Variants in TM9SF2 observed in about 807,000 individuals in gnomAD.
The protein encoded by TM9SF2 is 76 kDa membrane protein.
Under a neutral mutation model 84.9 loss-of-function variants are expected in TM9SF2, and 13 were observed. The observed-to-expected ratio is 0.15, with a 90% CI of 0.10 to 0.24. TM9SF2 has a LOEUF of 0.24. Ranked by LOEUF, TM9SF2 falls within the 10% of genes least tolerant of loss-of-function variation. The pLI is 1.00. For missense variants in TM9SF2, 562 were observed against 818.5 expected, an observed-to-expected ratio of 0.69 and a Z score of 3.82; for synonymous variants, 273 against 285.8, an observed-to-expected ratio of 0.96 and a Z score of 0.45.
chr13:99,524,755 G>C (rs1356220557), intron 3 of TM9SF2, among the ~76,000 whole-genome samples: 1 of 151,836 alleles, frequency 6.6e-6, no homozygotes, highest in African/African-American at 2.4e-5. Context: ...TAGAAACAGG[G>C]TTTTACCATG....
chr13:99,534,867 T>A (rs2046226664), intron 4 of TM9SF2, among the ~76,000 whole-genome samples: 1 of 152,208 alleles, frequency 6.6e-6, no homozygotes, highest in Admixed American at 6.5e-5. Flanking sequence ...TCATATTCTT[T>A]GGCCAGGCGT....
chr13:99,523,588 T>C (rs1184484387), intron 3 of TM9SF2, among the ~76,000 whole-genome samples: 2 of 152,252 alleles, frequency 1.3e-5, no homozygotes, highest in Non-Finnish European at 2.9e-5. Context: ...GTGTGTATTA[T>C]GTGAAGCTGG....
intron 4 of TM9SF2, among the ~76,000 whole-genome samples, chr13:99,534,680 AG>A (rs2046225907): frequency 6.6e-6 from 1 of 152,258 alleles, no homozygotes; most frequent in Non-Finnish European, 1.5e-5. Flanking sequence ...GAGAGCAGAC[AG>A]AAGTAAAGGA....
chr13:99,540,708 C>T lies in TM9SF2; in HGVS notation c.829-6C>T. The T allele has an allele frequency of 6.2e-7, 1 of 1,612,484 alleles. No individual in the cohort carries two copies. Among genetic ancestry groups the T allele is most frequent in the Non-Finnish European group, 8.5e-7 (1 of 1,179,150 alleles). On this transcript the variant is annotated splice_region_variant and splice_polypyrimidine_tract_variant and intron_variant, in intron 7 of 16. Transcript: ENST00000376387. ...TTACTTAAAGAGATTTTTTAATCTC[C>T]TCTAGGAAGATGATAAGATCAGATG... is the stretch of plus-strand genomic sequence containing the variant.
intron 6 of TM9SF2, among the ~76,000 whole-genome samples, chr13:99,538,258 A>G (rs1001710564): frequency 6.6e-6 from 1 of 152,214 alleles, no homozygotes; most frequent in African/African-American, 2.4e-5. Flanking sequence ...TGATTTCTCA[A>G]GCCCCTATGC....
chr13:99,522,525 T>G (rs1424109114), intron 3 of TM9SF2, among the ~76,000 whole-genome samples: 2 of 152,238 alleles, frequency 1.3e-5, no homozygotes, highest in South Asian at 2.1e-4. Context: ...TTTGGAAGAT[T>G]ACTTTGAATG....
In TM9SF2 at chr13:99,543,909, T is replaced by C. The variant is rs1305902435; in HGVS notation, c.1064T>C (p.Ile355Thr). The C allele has an allele frequency of 6.2e-7, 1 of 1,614,204 alleles. No individual in the cohort carries two copies. The highest frequency in any genetic ancestry group is 1.7e-5 in the Admixed American group (1 of 60,020). The stretch of plus-strand genomic sequence containing the variant: ...GGCTGGAAACTTGTTCATGGTGATA[T>C]ATTCCGTCCTCCAAGAAAAGGGATG... The part of the protein sequence containing the change: ...EFGWKLVHGD[I>T]FRPPRKGMLL... Residue 355 changes from isoleucine to threonine, a missense_variant, in exon 10 of 17, where the codon ATA becomes ACA. Around this residue, in one of 4 missense-constraint regions of TM9SF2, gnomAD observed 219 missense variants for 338.1 expected, o/e 0.65. Coordinates refer to ENST00000376387, the MANE Select transcript of TM9SF2 (RefSeq NM_004800.3).
At chr13:99,520,364 G>A (rs541412222) in intron 3 of TM9SF2, among the ~76,000 whole-genome samples, 32 of 152,268 alleles carry the variant, frequency 2.1e-4, no homozygotes, top group African/African-American at 7.5e-4. Flanking sequence ...TGTTAAGACG[G>A]TGGCTTAAAG....
chr13:99,548,174 C>T (rs1042389797), intron 11 of TM9SF2, among the ~76,000 whole-genome samples: 13 of 152,246 alleles, frequency 8.5e-5, no homozygotes, highest in African/African-American at 1.7e-4. Context: ...GTCGGTTCCT[C>T]GGACAGGCTG....
chr13:99,511,840 C>T (rs2046114791), intron 1 of TM9SF2, among the ~76,000 whole-genome samples: 1 of 151,336 alleles, frequency 6.6e-6, no homozygotes, highest in Non-Finnish European at 1.5e-5. Context: ...ATAAAAGCAT[C>T]AGAAATAAAA....
chr13:99,518,235 G>T (rs943135385), intron 2 of TM9SF2, among the ~76,000 whole-genome samples: 1 of 152,072 alleles, frequency 6.6e-6, no homozygotes, highest in Non-Finnish European at 1.5e-5. Flanking sequence ...CCTCAGCCTC[G>T]CAAGTAGCTG....
intron 15 of TM9SF2, among the ~76,000 whole-genome samples, chr13:99,557,123 G>A (rs1318220676): frequency 2.0e-5 from 3 of 152,142 alleles, no homozygotes; most frequent in African/African-American, 7.2e-5. Flanking sequence ...TTCCACAGTG[G>A]TTGTGCCGTT....
In TM9SF2 at chr13:99,533,524, T is replaced by A. The variant is rs190131307; in HGVS notation, c.462-3084T>A. Reference sequence around the variant, plus strand: ...ATAACCTCCTCCGTCTTTTCCATAATTTCATAATTCACTGCATGAATCAAT... The same window carrying A: ...ATAACCTCCTCCGTCTTTTCCATAAATTCATAATTCACTGCATGAATCAAT... On this transcript the variant is annotated intron_variant, in intron 4 of 16. Coordinates refer to ENST00000376387, the MANE Select transcript of TM9SF2 (RefSeq NM_004800.3). Among the ~76,000 whole-genome samples the A allele has an allele frequency of 5.9e-5, 9 of 152,370 alleles. No individual in the cohort carries two copies. In the East Asian group the frequency reaches 1.7e-3, roughly 29 times the overall value.
At chr13:99,546,016 A>G (rs1021421856) in intron 10 of TM9SF2, among the ~76,000 whole-genome samples, 6 of 152,238 alleles carry the variant, frequency 3.9e-5, no homozygotes, top group Admixed American at 2.0e-4. Context: ...GTCCTCAAAT[A>G]GGAACTTTCT....
intron 13 of TM9SF2, 68 bp from the exon 14 acceptor site, chr13:99,554,236 C>T (rs945512678): frequency 1.9e-6 from 3 of 1,541,402 alleles, no homozygotes; most frequent in South Asian, 1.2e-5. Flanking sequence ...GGCAAATAAT[C>T]TCGTGTAGAG....
chr13:99,506,385 T>C (rs2046088749), intron 1 of TM9SF2, among the ~76,000 whole-genome samples: 1 of 152,226 alleles, frequency 6.6e-6, no homozygotes, highest in Admixed American at 6.5e-5. Flanking sequence ...AGAGCATTGA[T>C]TCTTAGCTTC....
intron 15 of TM9SF2, among the ~76,000 whole-genome samples, chr13:99,558,138 A>G (rs910187155): frequency 6.6e-6 from 1 of 152,182 alleles, no homozygotes; most frequent in Non-Finnish European, 1.5e-5. Flanking sequence ...CCATAGATGT[A>G]TGGGTTTATT....
chr13:99,510,857 T>G (rs117623532), intron 1 of TM9SF2, among the ~76,000 whole-genome samples: 1,788 of 152,326 alleles, frequency 0.012, 31 homozygotes, highest in Non-Finnish European at 0.014. Flanking sequence ...TTGTATTATT[T>G]TGTCATCCAA....
At chr13:99,555,776 C>T (rs1340834149) in intron 15 of TM9SF2, 129 bp downstream of exon 15, 3 of 537,484 alleles carry the variant, frequency 5.6e-6, no homozygotes, top group Non-Finnish European at 9.5e-6. Flanking sequence ...GACCTGTATT[C>T]CTAAATCAAA....
Sources: allele counts gnomAD v4.1 joint callset (sites outside exome capture counted in the v4.1 genomes callset), GRCh38; gene constraint gnomAD v4.1.1; regional missense constraint gnomAD v4.1.1; transcripts MANE v1.5; gene names NCBI Gene and HGNC (gene_info 2026-07-23, HGNC 2026-07-21).